DLGAP1: variants seen among roughly 807,000 people sequenced by gnomAD.
DLGAP1 encodes DLG associated protein 1.
Under a neutral mutation model 90.8 loss-of-function variants are expected in DLGAP1, and 11 were observed. That is an observed-to-expected ratio of 0.12 (90% CI 0.08 to 0.20). The LOEUF (loss-of-function observed/expected upper bound fraction) is 0.20, where lower values mean the gene tolerates loss of function less well. DLGAP1 is among the 10% of genes least tolerant of loss of function. DLGAP1 has a pLI of 1.00. For synonymous variants in DLGAP1, 558 were observed against 540.7 expected, an observed-to-expected ratio of 1.03 and a Z score of -0.44; for missense variants, 1,050 against 1,333.8, an observed-to-expected ratio of 0.79 and a Z score of 3.31.
rs1366868551 is a variant in DLGAP1, at chr18:3,964,020, C to T, written c.-73+41096G>A. On this transcript the variant is annotated intron_variant, in intron 3 of 12. Transcript: ENST00000315677. The stretch of plus-strand genomic sequence containing the variant: ...ATGTTGCTACTGGAAAATTTAAAAT[C>T]GTATACGTGGCTTGGGTTATATTTC... 2.0e-5 allele frequency among the ~76,000 whole-genome samples: 3 copies of T among 152,110 alleles called. No homozygotes were observed. The South Asian group carries it at 6.2e-4, about 32-fold the overall frequency.
rs143923178 is a variant in DLGAP1 at position 4,210,613 on chromosome 18, A to T, written c.-266-59326T>A. 5.7e-4 allele frequency among the ~76,000 whole-genome samples: 87 copies of T among 152,310 alleles called. 1 individual carries two copies. In the South Asian group the frequency reaches 6.4e-3, roughly 11 times the overall value. ...GGGAAAATGAGCAAGAGGAATGGAA[A>T]ACTCTGCAGATGAAAGAGGACGATG... On this transcript the variant is annotated intron_variant, in intron 1 of 12. Coordinates refer to ENST00000315677, the MANE Select transcript of DLGAP1 (RefSeq NM_004746.4).
intron 8 of DLGAP1, 86 bp from the exon 9 acceptor site, chr18:3,567,667 C>T (rs1053452592): frequency 4.3e-5 from 50 of 1,170,120 alleles, no homozygotes; most frequent in Non-Finnish European, 6.1e-5. Flanking sequence ...AGAAAAATCT[C>T]TAATATGACT....
At chr18:3,757,638 T>A (rs950155866) in intron 5 of DLGAP1, among the ~76,000 whole-genome samples, 2 of 152,144 alleles carry the variant, frequency 1.3e-5, no homozygotes, top group Admixed American at 6.6e-5. Context: ...AACAAAGGAC[T>A]AAACCCACAA....
intron 1 of DLGAP1, among the ~76,000 whole-genome samples, chr18:4,157,925 C>T (rs960316273): frequency 2.0e-5 from 3 of 152,126 alleles, no homozygotes; most frequent in Non-Finnish European, 4.4e-5. Flanking sequence ...CAGATGACCA[C>T]GGGAGCCTAT....
chr18:3,795,703 C>G (rs2065958156), intron 5 of DLGAP1, among the ~76,000 whole-genome samples: 1 of 151,984 alleles, frequency 6.6e-6, no homozygotes. Context: ...GGCTGGACTC[C>G]CAACTCCTGG....
At chr18:3,742,155 C>T (rs575774339) in intron 6 of DLGAP1, among the ~76,000 whole-genome samples, 180 bp downstream of exon 6, 12 of 152,246 alleles carry the variant, frequency 7.9e-5, no homozygotes, top group African/African-American at 2.2e-4. Flanking sequence ...CCATTGATAC[C>T]GGGGGCTTAC....
chr18:3,830,672 A>G lies in DLGAP1; in HGVS notation c.958-16399T>C, dbSNP rs528198811. Among the ~76,000 whole-genome samples, 4 of 152,318 alleles carry G rather than the reference A, an allele frequency of 2.6e-5. No individual in the cohort carries two copies. The South Asian group carries it at 8.3e-4, about 32-fold the overall frequency. ...AATGCCCGGCCTTGATAAAACAAAT[A>G]TAGAGCTAACCTTAAAAAAATCAAG... On this transcript the variant is annotated intron_variant, in intron 4 of 12. Coordinates refer to ENST00000315677, the MANE Select transcript of DLGAP1 (RefSeq NM_004746.4).
At chr18:4,202,028 T>C (rs180704582) in intron 1 of DLGAP1, among the ~76,000 whole-genome samples, 227 of 152,214 alleles carry the variant, frequency 1.5e-3, no homozygotes, top group African/African-American at 5.1e-3. Context: ...AGCTTTTATG[T>C]TTATTGCAGC....
intron 3 of DLGAP1, among the ~76,000 whole-genome samples, chr18:3,962,702 A>ATCCTTCCAGGATTCCTAAATG (rs1363521746): frequency 2.0e-5 from 3 of 152,086 alleles, no homozygotes; most frequent in Admixed American, 2.0e-4. Flanking sequence ...ATTTTTAGGA[A>ATCCTTCCAGGATTCCTAAATG]TCCTTCCAGG....
intron 3 of DLGAP1, among the ~76,000 whole-genome samples, chr18:3,966,775 C>T (rs547843195): frequency 1.3e-5 from 2 of 152,102 alleles, no homozygotes; most frequent in African/African-American, 2.4e-5. Flanking sequence ...GTGGAGAGGC[C>T]GAGTTGGCAG....
intron 1 of DLGAP1, among the ~76,000 whole-genome samples, chr18:4,423,397 C>T (rs933603094): frequency 1.3e-5 from 2 of 152,102 alleles, no homozygotes; most frequent in African/African-American, 2.4e-5. Context: ...TTAAAATTTT[C>T]GTAATTCACT....
intron 7 of DLGAP1, among the ~76,000 whole-genome samples, chr18:3,644,147 T>C (rs1157898005): frequency 3.9e-5 from 6 of 152,168 alleles, no homozygotes. Context: ...GGGTTCCAGA[T>C]GGTGCAGGCA....
chr18:4,341,267 A>G (rs1052286414), intron 1 of DLGAP1, among the ~76,000 whole-genome samples: 1 of 152,110 alleles, frequency 6.6e-6, no homozygotes, highest in African/African-American at 2.4e-5. Context: ...ATTCAGTAGA[A>G]ATATTAGGTA....
intron 7 of DLGAP1, among the ~76,000 whole-genome samples, chr18:3,583,180 A>ACCTACCTTCCTTCCTTCCTT (rs2055654490): frequency 6.8e-5 from 9 of 132,806 alleles, no homozygotes; most frequent in East Asian, 2.3e-4. Flanking sequence ...CTACCTACCT[A>ACCTACCTTCCTTCCTTCCTT]CCTACCTTCC....
chr18:4,331,876 T>C (rs1421776680), intron 1 of DLGAP1, among the ~76,000 whole-genome samples: 2 of 151,960 alleles, frequency 1.3e-5, no homozygotes, highest in East Asian at 3.8e-4. Flanking sequence ...ATTCATTCTC[T>C]CAACAAATAT....
chr18:3,728,086 AATG>A (rs1424347200), intron 7 of DLGAP1: 1 of 152,130 alleles, frequency 6.6e-6, no homozygotes, highest in Non-Finnish European at 1.5e-5. Context: ...TTCTAGACTG[AATG>A]ATAATTACTG....
chr18:3,700,928 G>A (rs1052065197), intron 7 of DLGAP1, among the ~76,000 whole-genome samples: 2 of 152,170 alleles, frequency 1.3e-5, no homozygotes, highest in African/African-American at 2.4e-5. Context: ...GCCCAGGCTG[G>A]AATGCAGTAG....
chr18:4,357,798 G>C (rs1350009888), intron 1 of DLGAP1, among the ~76,000 whole-genome samples: 1 of 152,200 alleles, frequency 6.6e-6, no homozygotes, highest in Non-Finnish European at 1.5e-5. Context: ...GGCCCCTTTG[G>C]AGGGCAGGGC....
At chr18:3,830,274 A>C (rs1207678082) in intron 4 of DLGAP1, among the ~76,000 whole-genome samples, 1 of 152,222 alleles carries the variant, frequency 6.6e-6, no homozygotes, top group Non-Finnish European at 1.5e-5. Flanking sequence ...TGGTAAATAA[A>C]CAGGAAATTG....
Sources: allele counts gnomAD v4.1 joint callset (sites outside exome capture counted in the v4.1 genomes callset), GRCh38; gene constraint gnomAD v4.1.1; transcripts MANE v1.5; gene names NCBI Gene and HGNC (gene_info 2026-07-23, HGNC 2026-07-21).